The following NAV2 variants were observed in gnomAD, a reference collection of about 807,000 sequenced individuals.
NAV2 encodes neuron navigator 2.
In NAV2, 54 loss-of-function variants were observed where a neutral mutation model predicts 223.2. That is an observed-to-expected ratio of 0.24 (90% confidence interval 0.19 to 0.30). The LOEUF (loss-of-function observed/expected upper bound fraction) is 0.30. Among genes scored for constraint, NAV2 ranks in the 10% least tolerant of loss-of-function variants. The pLI, the probability that NAV2 is intolerant of heterozygous loss-of-function variation, is 1.00. For synonymous variants in NAV2, 1,279 were observed against 1,239.3 expected (o/e 1.03, Z -0.67); for missense variants, 2,806 against 3,147.5 (o/e 0.89, Z 2.60).
At chr11:19,807,033 A>G (rs7113086) in intron 1 of NAV2, among the ~76,000 whole-genome samples, 142,565 of 152,214 alleles carry the variant, frequency 0.94, 67,520 homozygotes, top group East Asian at 1. Context: ...CTCCCCCAGG[A>G]ACTCTGATGC....
rs187905464 is a variant in NAV2, at chr11:19,970,171, G to T, written c.2646-13954G>T. Among the ~76,000 whole-genome samples, 178 of 152,102 alleles carry T rather than the reference G, an allele frequency of 1.2e-3. 1 individual carries two copies. The highest frequency in any genetic ancestry group is 3.9e-3 in the African/African-American group (162 of 41,514). On this transcript the variant is annotated intron_variant, in intron 10 of 37. Coordinates refer to ENST00000349880, the MANE Select transcript of NAV2 (RefSeq NM_145117.5). ...ACAAGGGAGGACTACAGTGAAAGCA[G>T]TTTTTTGTTTTTATTGAGACAGAGT... is the stretch of plus-strand genomic sequence containing the variant.
At chr11:19,767,806 A>G (rs2055350507) in intron 1 of NAV2, among the ~76,000 whole-genome samples, 1 of 152,232 alleles carries the variant, frequency 6.6e-6, no homozygotes, top group African/African-American at 2.4e-5. Flanking sequence ...TTGTCTCTGA[A>G]GGATGCACTC....
intron 1 of NAV2, among the ~76,000 whole-genome samples, chr11:19,447,875 G>A (rs1590219670): frequency 6.6e-6 from 1 of 151,978 alleles, no homozygotes; most frequent in East Asian, 1.9e-4. Context: ...GAGAGATGAG[G>A]CACAGGGACC....
intron 10 of NAV2, among the ~76,000 whole-genome samples, chr11:19,969,534 C>T (rs768179516): frequency 2.0e-5 from 3 of 152,134 alleles, no homozygotes; most frequent in South Asian, 2.1e-4. Flanking sequence ...CCAAGACCCT[C>T]GGTGGATGCC....
At chr11:20,081,106 T>C (rs1387551699) in intron 25 of NAV2, among the ~76,000 whole-genome samples, 1 of 152,220 alleles carries the variant, frequency 6.6e-6, no homozygotes, top group Non-Finnish European at 1.5e-5. Flanking sequence ...TGTGTTATCT[T>C]GGATGGGTGG....
chr11:20,092,397 G>T, intron 28 of NAV2, 29 bp downstream of exon 28: 2 of 1,592,492 alleles, frequency 1.3e-6, no homozygotes, highest in Non-Finnish European at 1.7e-6. Flanking sequence ...TTGGGGGCAG[G>T]AATGGACCTA....
At chr11:20,067,070 G>C (rs80206491) in intron 20 of NAV2, among the ~76,000 whole-genome samples, 11,340 of 152,200 alleles carry the variant, frequency 0.075, 908 homozygotes, top group African/African-American at 0.21. Context: ...GTGTCACCTA[G>C]ACACAGAGCC....
intron 1 of NAV2, among the ~76,000 whole-genome samples, chr11:19,647,918 T>C (rs1040641106): frequency 4.6e-5 from 7 of 152,180 alleles, no homozygotes; most frequent in Non-Finnish European, 7.3e-5. Flanking sequence ...TCCCAACTGT[T>C]GTGAGTCAGA....
chr11:19,886,765 G>C (rs532269708), intron 5 of NAV2, among the ~76,000 whole-genome samples: 1 of 152,198 alleles, frequency 6.6e-6, no homozygotes, highest in Non-Finnish European at 1.5e-5. Flanking sequence ...GGGGAAGAGA[G>C]GAAGCACTGG....
intron 1 of NAV2, among the ~76,000 whole-genome samples, chr11:19,694,322 G>T (rs888936964): frequency 6.6e-6 from 1 of 152,194 alleles, no homozygotes; most frequent in Non-Finnish European, 1.5e-5. Context: ...CCCACAGGCT[G>T]CCCAGGGAGT....
At chr11:20,027,977 T>C (rs2055278287) in intron 11 of NAV2, among the ~76,000 whole-genome samples, 1 of 152,218 alleles carries the variant, frequency 6.6e-6, no homozygotes, top group Admixed American at 6.5e-5. Flanking sequence ...ATTGTAAATA[T>C]CATATCACAT....
chr11:19,864,631 A>C (rs1430248093), intron 3 of NAV2, among the ~76,000 whole-genome samples: 2 of 152,218 alleles, frequency 1.3e-5, no homozygotes, highest in Admixed American at 6.5e-5. Flanking sequence ...CAAAGGCTGC[A>C]ACACAGCCCA....
intron 1 of NAV2, among the ~76,000 whole-genome samples, chr11:19,797,267 C>A (rs1182530659): frequency 6.6e-6 from 1 of 152,182 alleles, no homozygotes; most frequent in Non-Finnish European, 1.5e-5. Flanking sequence ...TGAACTCTTT[C>A]CCTAACAATT....
intron 11 of NAV2, among the ~76,000 whole-genome samples, chr11:20,029,690 A>C (rs1331733147): frequency 6.6e-6 from 1 of 152,234 alleles, no homozygotes; most frequent in East Asian, 1.9e-4. Context: ...TGAAGAAGTG[A>C]ATTCAAAGCC....
At chr11:19,886,908 C>T (rs2041044126) in intron 5 of NAV2, among the ~76,000 whole-genome samples, 1 of 152,122 alleles carries the variant, frequency 6.6e-6, no homozygotes, top group South Asian at 2.1e-4. Flanking sequence ...ACGCTTTTGT[C>T]TCTGCTGAGG....
intron 20 of NAV2, among the ~76,000 whole-genome samples, chr11:20,067,570 T>A (rs1283835015): frequency 1.3e-5 from 2 of 151,776 alleles, no homozygotes; most frequent in African/African-American, 4.8e-5. Flanking sequence ...CTCCACCTCC[T>A]GGGTTCAAGC....
chr11:19,471,820 C>T (rs2041975200), intron 1 of NAV2, among the ~76,000 whole-genome samples: 1 of 152,180 alleles, frequency 6.6e-6, no homozygotes, highest in Admixed American at 6.5e-5. Context: ...GCTGCCAGAG[C>T]CACCAGAGCC....
chr11:19,669,048 G>A (rs1225842689), intron 1 of NAV2, among the ~76,000 whole-genome samples: 1 of 152,188 alleles, frequency 6.6e-6, no homozygotes, highest in Non-Finnish European at 1.5e-5. Flanking sequence ...GACAAGTGAC[G>A]GCCATTAGAG....
chr11:19,369,580 C>T (rs10500846), intron 1 of NAV2, among the ~76,000 whole-genome samples: 2,457 of 152,246 alleles, frequency 0.016, 69 homozygotes, highest in African/African-American at 0.056. Flanking sequence ...GTGACTTCCT[C>T]AGAGATTTTC....
Sources: gnomAD v4.1 joint callset for allele counts (sites outside exome capture counted in the v4.1 genomes callset) on GRCh38, gnomAD v4.1.1 for gene constraint, MANE v1.5 for transcripts, NCBI Gene and HGNC (gene_info 2026-07-23, HGNC 2026-07-21) for gene names.